Variants in MKLN1 observed in about 807,000 individuals in gnomAD.
MKLN1 encodes the protein muskelin.
Under a neutral mutation model 99.0 loss-of-function variants are expected in MKLN1, and 18 were observed. The observed-to-expected ratio is 0.18, with a 90% confidence interval of 0.13 to 0.27. The LOEUF (loss-of-function observed/expected upper bound fraction) is 0.27. Ranked by LOEUF, MKLN1 falls within the 10% of genes least tolerant of loss-of-function variation. The probability of loss-of-function intolerance (pLI) is 1.00; values close to 1 mark genes in which losing one functional copy is unlikely to be tolerated. For missense variants in MKLN1, 621 were observed against 875.9 expected, an observed-to-expected ratio of 0.71 and a Z score of 3.67; for synonymous variants, 288 against 293.2, an observed-to-expected ratio of 0.98 and a Z score of 0.18.
intron 12 of MKLN1, among the ~76,000 whole-genome samples, chr7:131,452,810 A>G (rs1316656287): frequency 1.3e-5 from 2 of 152,064 alleles, no homozygotes; most frequent in East Asian, 1.9e-4. Flanking sequence ...CGGCCTCCCA[A>G]AGTGCTGGGA....
intron 2 of MKLN1, among the ~76,000 whole-genome samples, chr7:131,154,952 G>T (rs1481270687): frequency 6.6e-6 from 1 of 152,146 alleles, no homozygotes; most frequent in Non-Finnish European, 1.5e-5. Context: ...GGGGGAGAGA[G>T]TGACTGATTC....
Position 131,494,650 on chromosome 7 carries a change from CCTTA to C in MKLN1, c.*6928_*6931del, listed in dbSNP as rs1488412361. 1 of 152,038 alleles carries C rather than the reference CCTTA, an allele frequency of 6.6e-6. No homozygotes were observed. The highest frequency in any genetic ancestry group is 1.5e-5 in the Non-Finnish European group (1 of 67,972). 9.4% of individuals were successfully genotyped at this position (152,038 alleles called of 1,614,324 possible). A position where few individuals can be genotyped will look rare whatever the true frequency, so the allele number is the denominator to read the frequency against. ...CTGATCAATTGTAAACAATTTTCTT[CCTTA>C]CTTACAAATCATCCGTTCAGAAAAA... is the stretch of plus-strand genomic sequence containing the variant. On this transcript the variant is annotated 3_prime_UTR_variant, in exon 18 of 18. Transcript: ENST00000352689.
chr7:131,213,525 C>A (rs780312770), intron 3 of MKLN1, among the ~76,000 whole-genome samples: 7 of 152,174 alleles, frequency 4.6e-5, no homozygotes, highest in Non-Finnish European at 1.0e-4. Context: ...CTAGATAATT[C>A]TTTGCTGTGG....
At chr7:131,207,184 A>C (rs1450474981) in intron 3 of MKLN1, among the ~76,000 whole-genome samples, 1 of 152,062 alleles carries the variant, frequency 6.6e-6, no homozygotes, top group Non-Finnish European at 1.5e-5. Context: ...AAGGGATTCT[A>C]TGTGTGTTAT....
At chr7:131,272,374 A>T (rs1175977788) in intron 3 of MKLN1, among the ~76,000 whole-genome samples, 1 of 152,240 alleles carries the variant, frequency 6.6e-6, no homozygotes, top group Non-Finnish European at 1.5e-5. Context: ...CTCAATAAAT[A>T]TTTAATATTG....
At chr7:131,194,947 C>T (rs1796619697) in intron 2 of MKLN1, among the ~76,000 whole-genome samples, 2 of 152,260 alleles carry the variant, frequency 1.3e-5, no homozygotes, top group Admixed American at 1.3e-4. Context: ...TTAACTTCTC[C>T]CTTTGTAGAG....
intron 15 of MKLN1, among the ~76,000 whole-genome samples, chr7:131,467,662 T>C (rs1796699286): frequency 6.6e-6 from 1 of 152,052 alleles, no homozygotes; most frequent in East Asian, 1.9e-4. Context: ...TGGTAGGAAA[T>C]GAGGTTGAAA....
chr7:131,471,397 T>C (rs1584777130), intron 16 of MKLN1, among the ~76,000 whole-genome samples: 1 of 152,212 alleles, frequency 6.6e-6, no homozygotes. Context: ...TGCCTTAATA[T>C]TTAGTTATGT....
intron 3 of MKLN1, among the ~76,000 whole-genome samples, chr7:131,214,019 A>AAAGG (rs1796943366): frequency 6.6e-6 from 1 of 152,158 alleles, no homozygotes; most frequent in African/African-American, 2.4e-5. Context: ...TGTAAACATA[A>AAAGG]TGTCTTGTAT....
At chr7:131,132,061 C>T (rs1046982441) in intron 1 of MKLN1, among the ~76,000 whole-genome samples, 1 of 152,102 alleles carries the variant, frequency 6.6e-6, no homozygotes, top group African/African-American at 2.4e-5. Context: ...CATGAAAAGC[C>T]AATGTAAAAA....
intron 3 of MKLN1, 38 bp downstream of exon 3, chr7:131,387,300 A>G: frequency 2.6e-6 from 4 of 1,565,996 alleles, no homozygotes; most frequent in Non-Finnish European, 2.6e-6. Flanking sequence ...TGTCTTCTAA[A>G]CAAAACGTAG....
chr7:131,128,896 A>ATTTT (rs59954758), intron 1 of MKLN1, among the ~76,000 whole-genome samples: 5 of 120,202 alleles, frequency 4.2e-5, no homozygotes, highest in African/African-American at 6.8e-5. Flanking sequence ...CACCTCACCT[A>ATTTT]TTTTTTTTTT....
intron 1 of MKLN1, among the ~76,000 whole-genome samples, chr7:131,127,553 A>G (rs1475564308): frequency 6.6e-6 from 1 of 152,226 alleles, no homozygotes; most frequent in African/African-American, 2.4e-5. Flanking sequence ...GACAGGGGAT[A>G]TGTGTTGAAA....
intron 2 of MKLN1, among the ~76,000 whole-genome samples, chr7:131,385,163 G>T (rs886487192): frequency 6.6e-6 from 1 of 152,124 alleles, no homozygotes; most frequent in African/African-American, 2.4e-5. Flanking sequence ...TGTTTTTGAG[G>T]TTAATCCAGG....
At chr7:131,181,499 G>A (rs1197768851) in intron 2 of MKLN1, among the ~76,000 whole-genome samples, 1 of 152,162 alleles carries the variant, frequency 6.6e-6, no homozygotes, top group African/African-American at 2.4e-5. Context: ...AGTGAAGCCA[G>A]GTGTTCGAGA....
intron 2 of MKLN1, among the ~76,000 whole-genome samples, chr7:131,144,078 T>G (rs1795780131): frequency 2.6e-5 from 4 of 152,130 alleles, no homozygotes; most frequent in Admixed American, 2.6e-4. Flanking sequence ...AATGTAAGCA[T>G]TATGAGGGCA....
At chr7:131,382,224 G>A (rs189642748) in intron 2 of MKLN1, among the ~76,000 whole-genome samples, 14 of 152,218 alleles carry the variant, frequency 9.2e-5, no homozygotes, top group Non-Finnish European at 1.3e-4. Context: ...AATTAGCCAG[G>A]CGTGGTGGCT....
intron 9 of MKLN1, among the ~76,000 whole-genome samples, chr7:131,432,086 T>C (rs1440234200): frequency 1.3e-5 from 2 of 152,234 alleles, no homozygotes; most frequent in Non-Finnish European, 2.9e-5. Context: ...GATTGGTTTA[T>C]ATTCATGTTT....
chr7:131,311,001 C>A (rs996670396), intron 3 of MKLN1: 72 of 151,616 alleles, frequency 4.7e-4, no homozygotes, highest in Admixed American at 1.9e-3. Context: ...AAAAAAAAAA[C>A]CAGCAATGTT....
Sources: allele counts gnomAD v4.1 joint callset (sites outside exome capture counted in the v4.1 genomes callset), GRCh38; gene constraint gnomAD v4.1.1; transcripts MANE v1.5; gene names NCBI Gene and HGNC (gene_info 2026-07-23, HGNC 2026-07-21).